The following CNGB3 variants were observed in gnomAD, a reference collection of about 807,000 sequenced individuals.
The protein encoded by CNGB3 is cyclic nucleotide-gated channel beta-3.
A neutral mutation model predicts 92.8 loss-of-function variants in CNGB3; 86 were observed. The observed-to-expected ratio is 0.93, with a 90% CI of 0.78 to 1.11. The LOEUF (loss-of-function observed/expected upper bound fraction) is 1.11, where lower values mean the gene tolerates loss of function less well. Among genes scored for constraint, CNGB3 ranks in the 50% least tolerant of loss-of-function variants. The pLI is 0.00. For synonymous variants in CNGB3, 333 were observed against 332.7 expected (o/e 1.00, Z -0.01); for missense variants, 1,026 against 956.8 (o/e 1.07, Z -0.95).
At chr8:86,669,827 A>G (rs7839443) in intron 4 of CNGB3, among the ~76,000 whole-genome samples, 117,555 of 151,958 alleles carry the variant, frequency 0.77, 46,781 homozygotes, top group East Asian at 1. Flanking sequence ...TAATCACAGT[A>G]TGTATTACTT....
intron 15 of CNGB3, among the ~76,000 whole-genome samples, chr8:86,596,999 G>C (rs1173171961): frequency 6.6e-6 from 1 of 151,826 alleles, no homozygotes; most frequent in Non-Finnish European, 1.5e-5. Context: ...AGACAGGGAG[G>C]GGAACATCAT....
intron 3 of CNGB3, among the ~76,000 whole-genome samples, chr8:86,717,900 G>C (rs1384856947): frequency 6.6e-6 from 1 of 152,116 alleles, no homozygotes; most frequent in Non-Finnish European, 1.5e-5. Flanking sequence ...TAAATGACCT[G>C]TTCCTGAATG....
At chr8:86,603,386 C>T (rs1822347112) in intron 15 of CNGB3, among the ~76,000 whole-genome samples, 1 of 152,112 alleles carries the variant, frequency 6.6e-6, no homozygotes, top group African/African-American at 2.4e-5. Context: ...TGTGATAATG[C>T]ATATAGAAGT....
chr8:86,633,853 A>G (rs79993031), intron 10 of CNGB3, among the ~76,000 whole-genome samples: 2,625 of 152,296 alleles, frequency 0.017, 74 homozygotes, highest in African/African-American at 0.061. Flanking sequence ...TTTTTCACCC[A>G]CATATTATTA....
intron 3 of CNGB3, among the ~76,000 whole-genome samples, chr8:86,723,246 G>T (rs776571546): frequency 6.6e-6 from 1 of 152,086 alleles, no homozygotes; most frequent in Non-Finnish European, 1.5e-5. Flanking sequence ...TACGTGAGAA[G>T]ATAAAGTAAT....
rs71275874 is a variant in CNGB3, at chr8:86,694,080, A to ACCC, written c.339-22985_339-22983dup. On this transcript the variant is annotated intron_variant, in intron 3 of 17. Transcript: ENST00000320005. ...GGCGGCTGGCCGGGCGGGGGGGCTG[A>ACCC]CCCCCCCACCTCCCTCCCAGACGGG... 5.7e-5 allele frequency among the ~76,000 whole-genome samples: 6 copies of ACCC among 105,596 alleles called. No individual in the cohort carries two copies. The East Asian group carries it at 9.1e-4, about 16-fold the overall frequency. 69.3% of individuals were successfully genotyped at this position (105,596 alleles called of 152,430 possible).
At chr8:86,724,805 A>C (rs1427113526) in intron 3 of CNGB3, among the ~76,000 whole-genome samples, 1 of 152,074 alleles carries the variant, frequency 6.6e-6, no homozygotes, top group Non-Finnish European at 1.5e-5. Context: ...AAGCAGAGGA[A>C]GTAGTATGTG....
rs1034769537 is a variant in CNGB3 at position 86,598,010 on chromosome 8, T to A, written c.1781+6083A>T. Among the ~76,000 whole-genome samples the A allele has an allele frequency of 2.3e-3, 293 of 125,576 alleles. 1 individual carries two copies. The highest frequency in any genetic ancestry group is 0.011 in the African/African-American group (270 of 25,464). The allele number at this position is 125,576 out of a possible 152,430, so 82.4% of individuals were successfully genotyped here. A position where few individuals can be genotyped will look rare whatever the true frequency, so the allele number is the denominator to read the frequency against. ...TAAAATAAAATAAAATAAAATAAAA[T>A]TAAAATAAAATAAAATAAAGAGAGC... On this transcript the variant is annotated intron_variant, in intron 15 of 17. Transcript: ENST00000320005.
chr8:86,594,605 G>T (rs577602066), intron 15 of CNGB3: 36 of 240,874 alleles, frequency 1.5e-4, no homozygotes, highest in Non-Finnish European at 2.5e-4. Context: ...GATGCAAAGC[G>T]CAGGGCAGCG....
chr8:86,616,550 G>T (rs758779181), intron 13 of CNGB3, among the ~76,000 whole-genome samples: 4 of 151,284 alleles, frequency 2.6e-5, no homozygotes, highest in African/African-American at 9.7e-5. Flanking sequence ...TTTTTCTCTC[G>T]GCAACCCAGC....
chr8:86,705,536 G>T (rs1561689), intron 3 of CNGB3, among the ~76,000 whole-genome samples: 29,502 of 151,788 alleles, frequency 0.19, 3,420 homozygotes, highest in South Asian at 0.3. Flanking sequence ...TATCTGGGTG[G>T]GCCCAATATA....
At chr8:86,660,266 G>T (rs375201091) in intron 6 of CNGB3, 17 of 311,530 alleles carry the variant, frequency 5.5e-5, no homozygotes, top group Non-Finnish European at 1.0e-4. Context: ...CAGCCAATTT[G>T]CTCTGTAGGG....
rs1822848478 is a variant in CNGB3, at chr8:86,626,363, GTAATGATCATAGCACAAAGGC to G, written c.1481-304_1481-284del. Among the ~76,000 whole-genome samples, 3 of 152,270 alleles carry G rather than the reference GTAATGATCATAGCACAAAGGC, an allele frequency of 2.0e-5. No individual in the cohort carries two copies. In the South Asian group the frequency reaches 6.2e-4, roughly 32 times the overall value. On this transcript the variant is annotated intron_variant, in intron 12 of 17. Transcript: ENST00000320005. ...CTTGCTGAAACTTTAGCTATGAAAC[GTAATGATCATAGCACAAAGGC>G]TAGTGAACAAGCTAGCATGGCTGAA...
intron 2 of CNGB3, 34 bp downstream of exon 2, chr8:86,739,621 T>TTTTTTTTTTTTTTTTTTTTTTTTTG: frequency 5.4e-6 from 1 of 185,092 alleles, no homozygotes; most frequent in Admixed American, 1.1e-4. Context: ...CACTTTTTAG[T>TTTTTTTTTTTTTTTTTTTTTTTTTG]TTTTTTTTTT....
chr8:86,625,992 G>T lies in CNGB3; in HGVS notation c.1569C>A (p.Asp523Glu). The T allele has an allele frequency of 6.2e-7, 1 of 1,613,308 alleles. No homozygotes were observed. Among genetic ancestry groups the T allele is most frequent in the South Asian group, 1.1e-5 (1 of 91,014 alleles). Residue 523 changes from aspartate to glutamate, a missense_variant, in exon 13 of 18, where the codon GAC becomes GAA. By Grantham distance (45) the Asp-to-Glu change is conservative (BLOSUM62 2). Coordinates refer to ENST00000320005, the MANE Select transcript of CNGB3 (RefSeq NM_019098.5). The stretch of plus-strand genomic sequence containing the variant: ...TTGTAAAAGCACTTGCCTTGAACAA[G>T]TCGACTTTGCTGATGATGCTGAAGT... ...DVNFSIISKV[D>E]LFKGCDTQMI...
chr8:86,719,998 A>T (rs1222956900), intron 3 of CNGB3, among the ~76,000 whole-genome samples: 1 of 152,190 alleles, frequency 6.6e-6, no homozygotes, highest in African/African-American at 2.4e-5. Context: ...AAATCAACTC[A>T]AGATGGATCA....
chr8:86,667,940 G>T, intron 5 of CNGB3, 79 bp downstream of exon 5: 1 of 1,448,184 alleles, frequency 6.9e-7, no homozygotes, highest in Non-Finnish European at 9.7e-7. Flanking sequence ...GAAAATAGAA[G>T]CTATCTGTGA....
At chr8:86,591,144 C>T (rs1273442311) in intron 15 of CNGB3, among the ~76,000 whole-genome samples, 8 of 150,890 alleles carry the variant, frequency 5.3e-5, no homozygotes, top group Non-Finnish European at 1.0e-4. Context: ...GCTCCTGAGG[C>T]TTCTGCATTC....
chr8:86,700,565 G>A (rs565144338), intron 3 of CNGB3, among the ~76,000 whole-genome samples: 25 of 152,122 alleles, frequency 1.6e-4, no homozygotes, highest in Admixed American at 3.9e-4. Context: ...CTCCAATATC[G>A]TCAGGTTATG....
Sources: gnomAD v4.1 joint callset for allele counts (sites outside exome capture counted in the v4.1 genomes callset) on GRCh38, gnomAD v4.1.1 for gene constraint, MANE v1.5 for transcripts, NCBI Gene and HGNC (gene_info 2026-07-23, HGNC 2026-07-21) for gene names.